LTBP1: variants seen among roughly 807,000 people sequenced by gnomAD.
LTBP1 encodes latent transforming growth factor beta binding protein 1.
Under a neutral mutation model 207.6 loss-of-function variants are expected in LTBP1, and 129 were observed. The ratio of observed to expected loss-of-function variants is 0.62; its 90% confidence interval spans 0.54 to 0.72. LTBP1 has a LOEUF of 0.72. LTBP1 is among the 30% of genes least tolerant of loss of function. The pLI, the probability that LTBP1 is intolerant of heterozygous loss-of-function variation, is 0.00. For missense variants in LTBP1, 2,281 were observed against 2,217.2 expected (o/e 1.03, Z -0.58); for synonymous variants, 963 against 833.7 (o/e 1.16, Z -2.67).
intron 7 of LTBP1, among the ~76,000 whole-genome samples, chr2:33,210,086 A>T (rs898027778): frequency 6.6e-6 from 1 of 152,210 alleles, no homozygotes; most frequent in Non-Finnish European, 1.5e-5. Flanking sequence ...CACTGAGTTC[A>T]AGGGGAATGT....
intron 8 of LTBP1, among the ~76,000 whole-genome samples, chr2:33,220,157 T>A (rs1004091319): frequency 6.6e-6 from 1 of 152,236 alleles, no homozygotes; most frequent in Admixed American, 6.5e-5. Context: ...TTGACATTTA[T>A]TCTGTTTGTG....
intron 3 of LTBP1, among the ~76,000 whole-genome samples, chr2:33,045,210 T>C (rs941095636): frequency 3.9e-5 from 6 of 152,196 alleles, no homozygotes; most frequent in African/African-American, 4.8e-5. Context: ...CTGAATGGTA[T>C]TGCCTAGGTT....
intron 2 of LTBP1, among the ~76,000 whole-genome samples, chr2:32,952,054 T>C (rs1677200962): frequency 6.6e-6 from 1 of 152,210 alleles, no homozygotes; most frequent in Admixed American, 6.5e-5. Flanking sequence ...ATATAGGTCA[T>C]GTGCAATTGA....
intron 31 of LTBP1, among the ~76,000 whole-genome samples, chr2:33,372,877 T>G (rs2095087280): frequency 6.6e-6 from 1 of 152,146 alleles, no homozygotes; most frequent in Non-Finnish European, 1.5e-5. Context: ...AAAGATAACA[T>G]AAGCTTAAAT....
At chr2:33,251,305 A>T (rs984013438) in intron 10 of LTBP1, among the ~76,000 whole-genome samples, 4 of 152,176 alleles carry the variant, frequency 2.6e-5, no homozygotes. Context: ...AATCAAAGCC[A>T]AAGTGCCCCA....
At chr2:33,078,941 C>G (rs2078246851) in intron 3 of LTBP1, among the ~76,000 whole-genome samples, 2 of 142,488 alleles carry the variant, frequency 1.4e-5, no homozygotes, top group Admixed American at 1.5e-4. Flanking sequence ...TCACTGCAAG[C>G]TCCGCCTCCC....
chr2:33,176,185 TAAAAAG>T (rs1339511529), intron 5 of LTBP1, among the ~76,000 whole-genome samples: 1 of 151,380 alleles, frequency 6.6e-6, no homozygotes. Context: ...AGAAAATAAA[TAAAAAG>T]AAATAAAATC....
intron 3 of LTBP1, chr2:33,056,411 G>C (rs1489769405): frequency 2.7e-6 from 3 of 1,126,766 alleles, no homozygotes; most frequent in African/African-American, 3.2e-5. Context: ...TGCCGCCCTG[G>C]GCGATGGTGA....
At chr2:33,175,448 A>T in intron 5 of LTBP1, among the ~76,000 whole-genome samples, 1 of 152,074 alleles carries the variant, frequency 6.6e-6, no homozygotes, top group Non-Finnish European at 1.5e-5. Context: ...TCAAAACCAC[A>T]ATGAGATACC....
intron 2 of LTBP1, among the ~76,000 whole-genome samples, chr2:33,012,787 A>G (rs1290840939): frequency 1.3e-5 from 2 of 152,244 alleles, no homozygotes; most frequent in East Asian, 3.8e-4. Context: ...AACAGTTATA[A>G]CAATATATGT....
chr2:33,246,911 C>G (rs374136164), intron 10 of LTBP1, among the ~76,000 whole-genome samples: 18 of 152,298 alleles, frequency 1.2e-4, no homozygotes, highest in Middle Eastern at 3.4e-3. Context: ...ATTCTCCAGA[C>G]ATGTTGCTAC....
At chr2:33,235,878 G>A (rs919469990) in intron 9 of LTBP1, among the ~76,000 whole-genome samples, 1 of 152,114 alleles carries the variant, frequency 6.6e-6, no homozygotes, top group African/African-American at 2.4e-5. Flanking sequence ...ACAGGGAGGG[G>A]AACATCACAC....
intron 5 of LTBP1, among the ~76,000 whole-genome samples, chr2:33,173,281 G>T (rs1383972010): frequency 2.0e-5 from 3 of 151,548 alleles, no homozygotes; most frequent in Non-Finnish European, 4.4e-5. Flanking sequence ...GAAGAAAAGA[G>T]AGAAGAATCA....
chr2:33,349,283 C>G (rs1214817022), intron 26 of LTBP1, among the ~76,000 whole-genome samples: 1 of 152,116 alleles, frequency 6.6e-6, no homozygotes, highest in Non-Finnish European at 1.5e-5. Context: ...AACCCTGTCT[C>G]TACTAAAAAT....
intron 1 of LTBP1, 41 bp from the exon 2 acceptor site, chr2:32,948,834 G>C: frequency 6.3e-7 from 1 of 1,575,900 alleles, no homozygotes; most frequent in Non-Finnish European, 8.7e-7. Flanking sequence ...TGGGAAGGGG[G>C]TCTTTCTGCT....
At chr2:33,396,463 C>T (rs1273656688) in intron 32 of LTBP1, among the ~76,000 whole-genome samples, 1 of 152,174 alleles carries the variant, frequency 6.6e-6, no homozygotes, top group Non-Finnish European at 1.5e-5. Flanking sequence ...CTCAGGCGAT[C>T]TGCCCGCCTC....
rs920825878 is a variant in LTBP1 at position 32,954,891 on chromosome 2, G to T, written c.565+5946G>T. Among the ~76,000 whole-genome samples, 10 of 152,230 alleles carry T rather than the reference G, an allele frequency of 6.6e-5. No homozygotes were observed. In the East Asian group the frequency reaches 1.9e-3, roughly 29 times the overall value. ...ACTGCAGCAGCTCTGGCTGCTCCAGGGGGTGTTAGGAGAGATGAGGAATTG... is the reference window on the plus strand; with the variant it reads ...ACTGCAGCAGCTCTGGCTGCTCCAGTGGGTGTTAGGAGAGATGAGGAATTG... On this transcript the variant is annotated intron_variant, in intron 2 of 33. Coordinates refer to ENST00000404816, the MANE Select transcript of LTBP1 (RefSeq NM_206943.4).
chr2:33,383,710 A>AT (rs932702245), intron 31 of LTBP1, among the ~76,000 whole-genome samples: 8 of 151,806 alleles, frequency 5.3e-5, no homozygotes, highest in African/African-American at 1.9e-4. Context: ...ATTTTTGAAT[A>AT]TTTTTTTGTG....
At chr2:33,144,405 C>A (rs1406252766) in intron 5 of LTBP1, among the ~76,000 whole-genome samples, 1 of 152,142 alleles carries the variant, frequency 6.6e-6, no homozygotes, top group Non-Finnish European at 1.5e-5. Flanking sequence ...TGCCTTGGAT[C>A]GTGCTTCTTC....
Sources: allele counts gnomAD v4.1 joint callset (sites outside exome capture counted in the v4.1 genomes callset), GRCh38; gene constraint gnomAD v4.1.1; transcripts MANE v1.5; gene names NCBI Gene and HGNC (gene_info 2026-07-23, HGNC 2026-07-21).